The following PIWIL1 variants were observed in gnomAD, a reference collection of about 807,000 sequenced individuals.
PIWIL1 encodes piwi-like protein 1.
A neutral mutation model predicts 114.4 loss-of-function variants in PIWIL1; 73 were observed. That is an observed-to-expected ratio of 0.64 (90% CI 0.53 to 0.78). The LOEUF is 0.78. Among genes scored for constraint, PIWIL1 ranks in the 30% least tolerant of loss-of-function variants. The pLI is 0.00. For synonymous variants in PIWIL1, 375 were observed against 369.0 expected (o/e 1.02, Z -0.19); for missense variants, 723 against 1,063.1 (o/e 0.68, Z 4.45).
chr12:130,394,679 T>C, the PIWIL1 span, among the ~76,000 whole-genome samples: 1 of 145,412 alleles, frequency 6.9e-6, no homozygotes, highest in African/African-American at 2.5e-5. Context: ...TTTTTTTTTT[T>C]CTGAGTGCAG....
chr12:130,376,308 C>T (rs74915981), downstream of PIWIL1, among the ~76,000 whole-genome samples: 827 of 152,322 alleles, frequency 5.4e-3, 12 homozygotes, highest in African/African-American at 0.019. Context: ...TAAAAATATG[C>T]GTGCCCATAT....
the PIWIL1 span, among the ~76,000 whole-genome samples, chr12:130,390,599 G>A: frequency 6.6e-6 from 1 of 152,234 alleles, no homozygotes; most frequent in South Asian, 2.1e-4. Flanking sequence ...TTAGAGCTTG[G>A]GCAATGGGTA....
At chr12:130,399,385 T>G in the PIWIL1 span, among the ~76,000 whole-genome samples, 1 of 152,180 alleles carries the variant, frequency 6.6e-6, no homozygotes, top group Non-Finnish European at 1.5e-5. Context: ...AGCCATCCCC[T>G]TTTCACTCTT....
rs117512141 is a variant in PIWIL1, at chr12:130,345,227, G to A, written c.191-526G>A. 1.3e-3 allele frequency: 200 copies of A among 153,048 alleles called. 7 individuals carry two copies. In the East Asian group the frequency reaches 0.03, roughly 23 times the overall value. 9.5% of individuals were successfully genotyped at this position (153,048 alleles called of 1,614,324 possible). A position where few individuals can be genotyped will look rare whatever the true frequency, so the allele number is the denominator to read the frequency against. On this transcript the variant is annotated intron_variant, in intron 3 of 20. Coordinates refer to ENST00000245255, the MANE Select transcript of PIWIL1 (RefSeq NM_004764.5). ...GTGTCATGGTCATAGAATATGTGCA[G>A]GTGCAGAAATCCATTCTTCTGATTC... is the stretch of plus-strand genomic sequence containing the variant.
chr12:130,352,779 G>T (rs190208276), intron 9 of PIWIL1, among the ~76,000 whole-genome samples: 94 of 152,304 alleles, frequency 6.2e-4, no homozygotes, highest in African/African-American at 2.1e-3. Context: ...TGCCCTTAAG[G>T]CCTTGGGTGA....
chr12:130,424,646 G>A, the PIWIL1 span: 206 of 1,231,650 alleles, frequency 1.7e-4, no homozygotes, highest in Middle Eastern at 3.1e-4. The surrounding 1 kb of genome is among the most constrained non-coding windows in gnomAD (Gnocchi z 9.8). Context: ...GGGCCTCGTC[G>A]CCCCTGTAGG....
chr12:130,424,616 C>G, the PIWIL1 span: 104 of 1,231,890 alleles, frequency 8.4e-5, no homozygotes, highest in African/African-American at 1.6e-3. The surrounding 1 kb of genome is among the most constrained non-coding windows in gnomAD (Gnocchi z 9.8). Context: ...TGTGCTTCAC[C>G]GGGAACCAGG....
intron 1 of PIWIL1, among the ~76,000 whole-genome samples, chr12:130,340,783 C>T (rs2072899532): frequency 6.6e-6 from 1 of 152,074 alleles, no homozygotes; most frequent in South Asian, 2.1e-4. Flanking sequence ...TAATCATTGT[C>T]ATGATGCGCA....
intron 9 of PIWIL1, 77 bp from the exon 10 acceptor site, chr12:130,354,460 A>G (rs1435223416): frequency 1.3e-6 from 2 of 1,578,716 alleles, no homozygotes; most frequent in East Asian, 2.2e-5. Flanking sequence ...TTTTTTAAAA[A>G]ATGAAACCCT....
chr12:130,414,188 G>A, the PIWIL1 span: 1 of 1,614,244 alleles, frequency 6.2e-7, no homozygotes, highest in Non-Finnish European at 8.5e-7. Context: ...TTGGGGACAT[G>A]GTGAGCGGGT....
At chr12:130,355,092 C>A in intron 11 of PIWIL1, 87 bp downstream of exon 11, 1 of 830,306 alleles carries the variant, frequency 1.2e-6, no homozygotes, top group Non-Finnish European at 2.1e-6. Flanking sequence ...GAGGGAGTGG[C>A]AGAAAGTAAC....
In PIWIL1 at chr12:130,342,609, A is replaced by G. The variant is rs142397870; in HGVS notation, c.18A>G (p.Arg6=). Residue 6 remains arginine, a synonymous_variant, in exon 2 of 21, where the codon CGA becomes CGG. Coordinates refer to ENST00000245255, the MANE Select transcript of PIWIL1 (RefSeq NM_004764.5). The stretch of plus-strand genomic sequence containing the variant: ...AGAAAACAATGACTGGGAGAGCCCG[A>G]GCCAGAGCCAGAGGAAGGGCCCGCG... MTGRA[R]ARARGRARGQ... The G allele has an allele frequency of 6.2e-4, 1,007 of 1,613,696 alleles. 4 individuals carry two copies. In the African/African-American group the frequency reaches 8.4e-3, roughly 14 times the overall value.
chr12:130,395,761 G>C, the PIWIL1 span, among the ~76,000 whole-genome samples: 1 of 152,234 alleles, frequency 6.6e-6, no homozygotes, highest in Admixed American at 6.5e-5. Flanking sequence ...TCTAAAATAA[G>C]GCTTTTAGGA....
intron 1 of PIWIL1, among the ~76,000 whole-genome samples, chr12:130,341,483 C>T (rs1429839094): frequency 6.6e-6 from 1 of 152,166 alleles, no homozygotes; most frequent in Non-Finnish European, 1.5e-5. Context: ...AGCATCCTGC[C>T]TTCGTGTAGT....
At chr12:130,339,044 CG>C (rs896644802) in intron 1 of PIWIL1, among the ~76,000 whole-genome samples, 146 of 152,110 alleles carry the variant, frequency 9.6e-4, no homozygotes, top group Middle Eastern at 3.4e-3. Context: ...CACGCGGCCG[CG>C]GGGCGCGATC....
intron 9 of PIWIL1, chr12:130,351,622 A>T (rs2073213136): frequency 6.6e-6 from 1 of 152,198 alleles, no homozygotes; most frequent in African/African-American, 2.4e-5. Flanking sequence ...TATATACCCC[A>T]TGCCTAAGTA....
the PIWIL1 span, chr12:130,422,521 A>G: frequency 1.9e-6 from 3 of 1,612,654 alleles, no homozygotes; most frequent in African/African-American, 2.7e-5. The surrounding 1 kb of genome is among the most constrained non-coding windows in gnomAD (Gnocchi z 5.2). Flanking sequence ...CCTCCGGCCC[A>G]TGTGATCCAC....
chr12:130,346,659 C>A, intron 5 of PIWIL1, 75 bp downstream of exon 5: 2 of 1,256,012 alleles, frequency 1.6e-6, no homozygotes, highest in South Asian at 1.3e-5. Flanking sequence ...GCTCACATGG[C>A]TTTTAGAGAG....
chr12:130,415,361 T>TA, the PIWIL1 span, among the ~76,000 whole-genome samples: 6 of 152,086 alleles, frequency 3.9e-5, no homozygotes, highest in Admixed American at 6.6e-5. Flanking sequence ...CCTTCATGAT[T>TA]AAAAAAACCC....
Sources: gnomAD v4.1 joint callset for allele counts (sites outside exome capture counted in the v4.1 genomes callset) on GRCh38, gnomAD v4.1.1 for gene constraint, Gnocchi (gnomAD v3.1) non-coding constraint, MANE v1.5 for transcripts, NCBI Gene and HGNC (gene_info 2026-07-23, HGNC 2026-07-21) for gene names.